GRM5: variants seen among roughly 807,000 people sequenced by gnomAD.
GRM5 encodes glutamate metabotropic receptor 5.
A neutral mutation model predicts 83.1 loss-of-function variants in GRM5; 19 were observed. That is an observed-to-expected ratio of 0.23 (90% CI 0.16 to 0.34). The LOEUF is 0.34. Among genes scored for constraint, GRM5 ranks in the 10% least tolerant of loss-of-function variants. The pLI, the probability that GRM5 is intolerant of heterozygous loss-of-function variation, is 1.00. For synonymous variants in GRM5, 675 were observed against 633.6 expected (o/e 1.07, Z -0.98); for missense variants, 1,160 against 1,588.3 (o/e 0.73, Z 4.58).
chr11:88,703,532 T>G lies in GRM5; in HGVS notation c.912-50129A>C, dbSNP rs546125208. On this transcript the variant is annotated intron_variant, in intron 3 of 9. Coordinates refer to ENST00000305447, the MANE Select transcript of GRM5 (RefSeq NM_001143831.3). ...TTGGGCAAATGACAAGCAATATGGG[T>G]TGGGTCTGTGTCCTCAGCCAAATCT... Among the ~76,000 whole-genome samples, 17 of 152,126 alleles carry G rather than the reference T, an allele frequency of 1.1e-4. No individual in the cohort carries two copies. In the South Asian group the frequency reaches 3.3e-3, roughly 30 times the overall value.
intron 3 of GRM5, among the ~76,000 whole-genome samples, chr11:88,783,577 A>T (rs897266946): frequency 1.4e-4 from 21 of 152,218 alleles, no homozygotes; most frequent in African/African-American, 4.8e-4. Flanking sequence ...TAGGTCTATT[A>T]AACAATAACC....
At chr11:88,900,019 C>G (rs1444734183) in intron 2 of GRM5, among the ~76,000 whole-genome samples, 2 of 152,002 alleles carry the variant, frequency 1.3e-5, no homozygotes, top group African/African-American at 2.4e-5. Context: ...TGGAGACCGT[C>G]TCATATTAAT....
At chr11:88,905,922 A>G (rs1945394730) in intron 2 of GRM5, among the ~76,000 whole-genome samples, 7 of 152,156 alleles carry the variant, frequency 4.6e-5, no homozygotes. Flanking sequence ...TTCAAATCTT[A>G]TTATACTTTA....
At chr11:88,861,765 G>C (rs1944567229) in intron 2 of GRM5, among the ~76,000 whole-genome samples, 1 of 152,080 alleles carries the variant, frequency 6.6e-6, no homozygotes, top group African/African-American at 2.4e-5. Context: ...TTACAGGCAT[G>C]AGCTACCACA....
At chr11:88,933,406 T>A (rs1018952243) in intron 2 of GRM5, among the ~76,000 whole-genome samples, 3 of 151,832 alleles carry the variant, frequency 2.0e-5, no homozygotes, top group African/African-American at 7.2e-5. Flanking sequence ...GACTTACTGT[T>A]CATTGCTAAA....
chr11:88,836,388 C>T (rs181530516), intron 3 of GRM5, among the ~76,000 whole-genome samples: 32 of 152,228 alleles, frequency 2.1e-4, no homozygotes, highest in Admixed American at 1.8e-3. Context: ...TATCACAATG[C>T]CTGTCAACAA....
rs1942888261 is a variant in GRM5 at position 88,566,916 on chromosome 11, GA to G, written c.2630+136del. Reference sequence around the variant, plus strand: ...TAACCCCATAAATACCATTTTATGAGAAGGTCCATGCCGTAAGTCACCCTGC... The same window carrying G: ...TAACCCCATAAATACCATTTTATGAGAGGTCCATGCCGTAAGTCACCCTGC... On this transcript the variant is annotated intron_variant, in intron 8 of 9. Transcript: ENST00000305447. 9.9e-6 allele frequency: 6 copies of G among 606,490 alleles called. No homozygotes were observed. In the Admixed American group the frequency reaches 1.8e-4, roughly 18 times the overall value. 37.6% of individuals were successfully genotyped at this position (606,490 alleles called of 1,614,324 possible).
chr11:88,772,812 G>T (rs1311313365), intron 3 of GRM5, among the ~76,000 whole-genome samples: 1 of 152,110 alleles, frequency 6.6e-6, no homozygotes, highest in East Asian at 1.9e-4. Flanking sequence ...GTATTCCATG[G>T]TGTATATGTG....
intron 9 of GRM5, among the ~76,000 whole-genome samples, chr11:88,511,007 T>G (rs1408936618): frequency 6.6e-6 from 1 of 152,218 alleles, no homozygotes; most frequent in East Asian, 1.9e-4. Context: ...CCTATGGTTA[T>G]TAAACTAAAT....
At chr11:88,938,796 T>C (rs1937987821) in intron 2 of GRM5, among the ~76,000 whole-genome samples, 1 of 151,752 alleles carries the variant, frequency 6.6e-6, no homozygotes, top group Non-Finnish European at 1.5e-5. Flanking sequence ...TGTTTTTACA[T>C]CTATATATCA....
At chr11:88,682,128 AATAGATAACTT>A (rs1940511453) in intron 3 of GRM5, among the ~76,000 whole-genome samples, 2 of 152,188 alleles carry the variant, frequency 1.3e-5, no homozygotes, top group Admixed American at 1.3e-4. Flanking sequence ...CAGGGCCTCC[AATAGATAACTT>A]ATTTCCCTAT....
intron 3 of GRM5, among the ~76,000 whole-genome samples, chr11:88,847,582 T>C (rs1251826309): frequency 2.6e-5 from 4 of 152,122 alleles, no homozygotes; most frequent in African/African-American, 9.7e-5. Flanking sequence ...GAGCATCACG[T>C]TACTTTTAAA....
At position 89,015,972 on chromosome 11, in the gene GRM5, A is replaced by C. The variant is rs560177199; in HGVS notation, c.661+31240T>G. On this transcript the variant is annotated intron_variant, in intron 2 of 9. Coordinates refer to ENST00000305447, the MANE Select transcript of GRM5 (RefSeq NM_001143831.3). The stretch of plus-strand genomic sequence containing the variant: ...CCACTTGAGGTCCTCCCTGTTTCTA[A>C]AAGTGATCAAATGTGGTTTTTAGTA... Among the ~76,000 whole-genome samples the C allele has an allele frequency of 5.3e-5, 8 of 152,198 alleles. No individual in the cohort carries two copies. In the East Asian group the frequency reaches 1.4e-3, roughly 26 times the overall value.
intron 2 of GRM5, among the ~76,000 whole-genome samples, chr11:88,999,010 G>C (rs1276645885): frequency 6.6e-6 from 1 of 152,042 alleles, no homozygotes; most frequent in African/African-American, 2.4e-5. Flanking sequence ...TTTAATAAAT[G>C]GTGCTGGGAA....
chr11:88,880,535 C>G (rs11021649), intron 2 of GRM5, among the ~76,000 whole-genome samples: 3,842 of 152,114 alleles, frequency 0.025, 169 homozygotes, highest in African/African-American at 0.088. Context: ...AAACAACAAC[C>G]CTGGAATACA....
At chr11:88,531,966 C>T (rs942102777) in intron 8 of GRM5, among the ~76,000 whole-genome samples, 5 of 151,908 alleles carry the variant, frequency 3.3e-5, no homozygotes, top group African/African-American at 1.2e-4. Flanking sequence ...TAGTGAAAAC[C>T]ACAGGGAGAT....
chr11:88,551,291 T>A (rs990535372), intron 8 of GRM5, among the ~76,000 whole-genome samples: 3 of 152,126 alleles, frequency 2.0e-5, no homozygotes, highest in Non-Finnish European at 4.4e-5. Context: ...GGGTTCTGCC[T>A]ATTTAGACTT....
chr11:88,733,528 A>G (rs916768085), intron 3 of GRM5, among the ~76,000 whole-genome samples: 1 of 151,984 alleles, frequency 6.6e-6, no homozygotes, highest in African/African-American at 2.4e-5. Flanking sequence ...TTGTCTTAAT[A>G]TGGCATACCT....
intron 3 of GRM5, among the ~76,000 whole-genome samples, chr11:88,787,550 C>T (rs909005762): frequency 6.6e-6 from 1 of 151,916 alleles, no homozygotes; most frequent in African/African-American, 2.4e-5. Flanking sequence ...TTTTAAAGAT[C>T]CTGTGTAGTG....
Sources: gnomAD v4.1 joint callset for allele counts (sites outside exome capture counted in the v4.1 genomes callset) on GRCh38, gnomAD v4.1.1 for gene constraint, MANE v1.5 for transcripts, NCBI Gene and HGNC (gene_info 2026-07-23, HGNC 2026-07-21) for gene names.